Variants in RABGAP1L observed in about 807,000 individuals in gnomAD.
The protein encoded by RABGAP1L is RAB GTPase activating protein 1 like, also known as rab GTPase-activating protein 1-like.
Under a neutral mutation model 137.7 loss-of-function variants are expected in RABGAP1L, and 63 were observed. The observed-to-expected ratio is 0.46, with a 90% CI of 0.37 to 0.56. The LOEUF (loss-of-function observed/expected upper bound fraction) is 0.56. Ranked by LOEUF, RABGAP1L falls within the 20% of genes least tolerant of loss-of-function variation. The pLI, the probability that RABGAP1L is intolerant of heterozygous loss-of-function variation, is 0.00. For synonymous variants in RABGAP1L, 431 were observed against 433.7 expected (o/e 0.99, Z 0.08); for missense variants, 1,095 against 1,244.0 (o/e 0.88, Z 1.80).
intron 13 of RABGAP1L, among the ~76,000 whole-genome samples, chr1:174,627,160 A>G (rs1435882162): frequency 6.6e-6 from 1 of 152,226 alleles, no homozygotes; most frequent in Non-Finnish European, 1.5e-5. Context: ...ATGCTGTCAC[A>G]GTTTTTAAAA....
Position 174,694,908 on chromosome 1 carries a change from G to A in RABGAP1L, c.1900-4617G>A, listed in dbSNP as rs1181843796. Among the ~76,000 whole-genome samples the A allele has an allele frequency of 3.3e-5, 5 of 151,766 alleles. No individual in the cohort carries two copies. The East Asian group carries it at 7.7e-4, about 23-fold the overall frequency. On this transcript the variant is annotated intron_variant, in intron 15 of 25. Transcript: ENST00000681986. ...ATTGCCATTCTAACTGGTGTGAGAT[G>A]GTATCTCATTGTGGTTTTGATTTGC...
chr1:174,878,949 T>G (rs916042369), intron 19 of RABGAP1L, among the ~76,000 whole-genome samples: 36 of 138,080 alleles, frequency 2.6e-4, no homozygotes, highest in Non-Finnish European at 4.3e-4. Context: ...TTTTTTTTTT[T>G]TGACATGGAG....
chr1:174,416,436 G>A (rs892288986), intron 13 of RABGAP1L, among the ~76,000 whole-genome samples: 1 of 151,884 alleles, frequency 6.6e-6, no homozygotes, highest in Non-Finnish European at 1.5e-5. Context: ...GACCTTATTT[G>A]GTAGTGATAA....
chr1:174,336,382 T>C lies in RABGAP1L; in HGVS notation c.1465+31255T>C, dbSNP rs571998544. ...TCAAGTGGTCCTCCTGCCTTGGCTT[T>C]CCAATGTGCTGGGATTGCAGGTGTG... On this transcript the variant is annotated intron_variant, in intron 11 of 25. Coordinates refer to ENST00000681986, the MANE Select transcript of RABGAP1L (RefSeq NM_001366446.1). 1.4e-3 allele frequency among the ~76,000 whole-genome samples: 219 copies of C among 152,320 alleles called. 1 individual carries two copies. Among genetic ancestry groups the C allele is most frequent in the South Asian group, 4.1e-3 (20 of 4,824 alleles).
intron 13 of RABGAP1L, among the ~76,000 whole-genome samples, chr1:174,587,974 C>T (rs940545255): frequency 2.6e-5 from 4 of 152,178 alleles, no homozygotes; most frequent in Admixed American, 2.6e-4. Flanking sequence ...AGTGATTCTT[C>T]TGCCTCAGCC....
At chr1:174,329,801 T>A (rs1028771638) in intron 11 of RABGAP1L, among the ~76,000 whole-genome samples, 3 of 151,168 alleles carry the variant, frequency 2.0e-5, no homozygotes, top group Admixed American at 6.6e-5. Context: ...TCCAGCAAAT[T>A]ATGTTCAGAA....
rs1683529825 is a variant in RABGAP1L, at chr1:174,742,517, A to G, written c.2170-9796A>G. 2.0e-5 allele frequency among the ~76,000 whole-genome samples: 3 copies of G among 152,210 alleles called. No individual in the cohort carries two copies. The South Asian group carries it at 6.2e-4, about 32-fold the overall frequency. On this transcript the variant is annotated intron_variant, in intron 17 of 25. Coordinates refer to ENST00000681986, the MANE Select transcript of RABGAP1L (RefSeq NM_001366446.1). Reference sequence around the variant, plus strand: ...AAGCGACAGAGCAAGACTTCATTTCAAAGAAAAAGGAAGAAAGAAAAGTGG... The same window carrying G: ...AAGCGACAGAGCAAGACTTCATTTCGAAGAAAAAGGAAGAAAGAAAAGTGG...
intron 19 of RABGAP1L, among the ~76,000 whole-genome samples, chr1:174,857,041 A>G (rs1008463119): frequency 1.3e-5 from 2 of 152,180 alleles, no homozygotes; most frequent in African/African-American, 4.8e-5. Context: ...TTCCCACCCA[A>G]CCAAACAACA....
chr1:174,579,510 G>T (rs1668591221), intron 13 of RABGAP1L, among the ~76,000 whole-genome samples: 1 of 152,212 alleles, frequency 6.6e-6, no homozygotes, highest in South Asian at 2.1e-4. Flanking sequence ...TGTGGAAAGG[G>T]TTTGTAGTTT....
intron 19 of RABGAP1L, among the ~76,000 whole-genome samples, chr1:174,873,399 CT>C (rs1021247381): frequency 2.6e-5 from 4 of 151,570 alleles, no homozygotes; most frequent in African/African-American, 9.7e-5. Context: ...GTTGTTTTGT[CT>C]TTCTTTCTGT....
At chr1:174,739,820 G>T (rs537349390) in intron 17 of RABGAP1L, among the ~76,000 whole-genome samples, 1 of 152,264 alleles carries the variant, frequency 6.6e-6, no homozygotes, top group South Asian at 2.1e-4. Context: ...TTTTACAGTT[G>T]AATGAAACTA....
At chr1:174,632,916 C>G (rs1673553325) in intron 13 of RABGAP1L, among the ~76,000 whole-genome samples, 1 of 152,020 alleles carries the variant, frequency 6.6e-6, no homozygotes, top group Non-Finnish European at 1.5e-5. Context: ...CTCCATCCGG[C>G]TTTGTTCCGT....
At chr1:174,438,598 A>T (rs1296288935) in intron 13 of RABGAP1L, among the ~76,000 whole-genome samples, 1 of 151,244 alleles carries the variant, frequency 6.6e-6, no homozygotes, top group Non-Finnish European at 1.5e-5. Context: ...GGCACCTGTA[A>T]TCCCAGCTAC....
chr1:174,957,367 G>T, intron 19 of RABGAP1L, 90 bp from the exon 20 acceptor site: 2 of 1,028,386 alleles, frequency 1.9e-6, no homozygotes, highest in Non-Finnish European at 3.0e-6. Context: ...TGTTCCCTTA[G>T]AATGCCAGAA....
At chr1:174,493,959 T>G (rs1259203918) in intron 13 of RABGAP1L, among the ~76,000 whole-genome samples, 1 of 152,232 alleles carries the variant, frequency 6.6e-6, no homozygotes, top group Admixed American at 6.5e-5. Context: ...TATTTGAACT[T>G]AAATACTTTT....
At chr1:174,388,864 T>C (rs1558192515) in intron 12 of RABGAP1L, among the ~76,000 whole-genome samples, 1 of 152,054 alleles carries the variant, frequency 6.6e-6, no homozygotes, top group Non-Finnish European at 1.5e-5. Context: ...TTCAAATCGG[T>C]CATTCTTTTT....
intron 1 of RABGAP1L, among the ~76,000 whole-genome samples, chr1:174,205,662 C>G (rs1668459884): frequency 6.6e-6 from 1 of 151,860 alleles, no homozygotes; most frequent in African/African-American, 2.4e-5. Flanking sequence ...TGTGTTCTCT[C>G]TTTTCTTTAT....
intron 19 of RABGAP1L, among the ~76,000 whole-genome samples, chr1:174,899,054 G>A (rs1458753751): frequency 6.6e-6 from 1 of 152,152 alleles, no homozygotes; most frequent in Non-Finnish European, 1.5e-5. Context: ...CAAGTTAGGG[G>A]TCAGAGAAGA....
intron 1 of RABGAP1L, among the ~76,000 whole-genome samples, chr1:174,163,945 A>G (rs1245675067): frequency 1.3e-5 from 2 of 152,158 alleles, no homozygotes; most frequent in Non-Finnish European, 2.9e-5. Flanking sequence ...TGAGGGATGC[A>G]AGGGAATTTG....
Sources: allele counts gnomAD v4.1 joint callset (sites outside exome capture counted in the v4.1 genomes callset), GRCh38; gene constraint gnomAD v4.1.1; transcripts MANE v1.5; gene names NCBI Gene and HGNC (gene_info 2026-07-23, HGNC 2026-07-21).